TMTC2: variants seen among roughly 807,000 people sequenced by gnomAD.
TMTC2 encodes the protein protein O-mannosyl-transferase TMTC2.
TMTC2 carries 43 observed loss-of-function variants against 82.4 expected under a neutral mutation model. The observed-to-expected ratio is 0.52, with a 90% CI of 0.41 to 0.67. TMTC2 has a LOEUF of 0.67. Among genes scored for constraint, TMTC2 ranks in the 30% least tolerant of loss-of-function variants. The pLI, the probability that TMTC2 is intolerant of heterozygous loss-of-function variation, is 0.00. For synonymous variants in TMTC2, 408 were observed against 381.9 expected (o/e 1.07, Z -0.80); for missense variants, 919 against 1,012.4 (o/e 0.91, Z 1.25).
At chr12:82,816,526 C>CT (rs1868737965) in intron 1 of TMTC2, among the ~76,000 whole-genome samples, 1 of 151,924 alleles carries the variant, frequency 6.6e-6, no homozygotes, top group African/African-American at 2.4e-5. Flanking sequence ...ATGTTGTGGC[C>CT]TTTGAGACGT....
intron 1 of TMTC2, among the ~76,000 whole-genome samples, chr12:82,729,016 G>A (rs1366560911): frequency 3.9e-5 from 6 of 152,190 alleles, no homozygotes; most frequent in African/African-American, 9.6e-5. Flanking sequence ...CTCACCCTGC[G>A]GCCTCCTGCG....
intron 8 of TMTC2, among the ~76,000 whole-genome samples, chr12:82,996,149 G>C (rs1162798172): frequency 6.6e-6 from 1 of 152,166 alleles, no homozygotes; most frequent in African/African-American, 2.4e-5. Flanking sequence ...ATAGCTACTG[G>C]TAAAAAAGAT....
At chr12:83,023,890 C>T (rs192058579) in intron 8 of TMTC2, among the ~76,000 whole-genome samples, 2 of 152,260 alleles carry the variant, frequency 1.3e-5, no homozygotes, top group East Asian at 3.9e-4. Context: ...GCACAGAAGA[C>T]CAGATATTTA....
At chr12:83,130,265 A>C (rs1315574190) in intron 11 of TMTC2, among the ~76,000 whole-genome samples, 1 of 152,202 alleles carries the variant, frequency 6.6e-6, no homozygotes, top group Non-Finnish European at 1.5e-5. Flanking sequence ...GACATAATTC[A>C]GAAATGTGTC....
chr12:83,001,594 C>A (rs1373595170), intron 8 of TMTC2, among the ~76,000 whole-genome samples: 2 of 146,342 alleles, frequency 1.4e-5, no homozygotes, highest in Non-Finnish European at 3.0e-5. Flanking sequence ...GAGATCATGC[C>A]ATTGCACTCC....
chr12:83,066,072 C>T (rs1327822051), intron 11 of TMTC2, among the ~76,000 whole-genome samples: 2 of 151,894 alleles, frequency 1.3e-5, no homozygotes, highest in East Asian at 1.9e-4. Flanking sequence ...AAAAATTAAC[C>T]TTGTCCTTAA....
chr12:82,921,273 G>T (rs1427766111), intron 3 of TMTC2, among the ~76,000 whole-genome samples: 1 of 152,126 alleles, frequency 6.6e-6, no homozygotes. Context: ...ACATTTGGAT[G>T]CCTGGAAACA....
At chr12:83,119,391 C>T (rs1363869522) in intron 11 of TMTC2, among the ~76,000 whole-genome samples, 1 of 152,150 alleles carries the variant, frequency 6.6e-6, no homozygotes, top group Non-Finnish European at 1.5e-5. Flanking sequence ...ATCTTTATTT[C>T]ATTTTTAACT....
intron 8 of TMTC2, among the ~76,000 whole-genome samples, chr12:82,994,422 C>T (rs1331328777): frequency 6.7e-6 from 1 of 149,084 alleles, no homozygotes; most frequent in Non-Finnish European, 1.5e-5. Flanking sequence ...GCATGAGCTA[C>T]CGTGCCCGTC....
intron 3 of TMTC2, among the ~76,000 whole-genome samples, chr12:82,900,730 T>C (rs1592612496): frequency 7.1e-6 from 1 of 141,014 alleles, no homozygotes; most frequent in Admixed American, 7.5e-5. Flanking sequence ...TATATAGGAA[T>C]ATATATCTCT....
chr12:82,753,345 G>GTT (rs1876121444), intron 1 of TMTC2, among the ~76,000 whole-genome samples: 1 of 131,378 alleles, frequency 7.6e-6, no homozygotes, highest in Non-Finnish European at 1.7e-5. Context: ...TTTTTTTTGA[G>GTT]GAGAAGTTTT....
intron 4 of TMTC2, among the ~76,000 whole-genome samples, chr12:82,948,109 G>A (rs1253150524): frequency 6.6e-6 from 1 of 152,204 alleles, no homozygotes; most frequent in African/African-American, 2.4e-5. Context: ...GCTCACATCT[G>A]TAATCCAGCA....
In TMTC2 at chr12:82,708,179, G is replaced by T. The variant is rs186009565; in HGVS notation, c.83+20510G>T. On this transcript the variant is annotated intron_variant, in intron 1 of 11. Transcript: ENST00000321196. ...CAAAGCCTAAAATATTTACTATCTG[G>T]CCCTTAACCGAAAAAGTTTGCCAAC... is the stretch of plus-strand genomic sequence containing the variant. 2.6e-5 allele frequency among the ~76,000 whole-genome samples: 4 copies of T among 152,198 alleles called. No individual in the cohort carries two copies. The East Asian group carries it at 7.7e-4, about 29-fold the overall frequency.
chr12:83,041,820 G>A (rs2137441233), intron 9 of TMTC2, among the ~76,000 whole-genome samples: 1 of 152,220 alleles, frequency 6.6e-6, no homozygotes, highest in Non-Finnish European at 1.5e-5. Context: ...CACTTAACTG[G>A]GTAAATCACA....
At chr12:82,805,081 G>A (rs956887029) in intron 1 of TMTC2, among the ~76,000 whole-genome samples, 6 of 152,068 alleles carry the variant, frequency 3.9e-5, no homozygotes, top group Non-Finnish European at 7.4e-5. Flanking sequence ...TCCATTGGCT[G>A]GAACAGGACC....
chr12:82,820,771 A>T (rs1869054243), intron 1 of TMTC2, among the ~76,000 whole-genome samples: 1 of 152,242 alleles, frequency 6.6e-6, no homozygotes, highest in South Asian at 2.1e-4. Context: ...GCAAATAATT[A>T]AAACACTCAT....
intron 8 of TMTC2, among the ~76,000 whole-genome samples, chr12:82,992,427 G>C (rs1438129795): frequency 6.6e-6 from 1 of 152,118 alleles, no homozygotes; most frequent in African/African-American, 2.4e-5. Context: ...CTGTTAATCT[G>C]ATTGAGTAAT....
At chr12:83,108,580 A>G (rs1344057440) in intron 11 of TMTC2, among the ~76,000 whole-genome samples, 1 of 152,008 alleles carries the variant, frequency 6.6e-6, no homozygotes, top group Admixed American at 6.6e-5. Flanking sequence ...CAGTAAGCCA[A>G]GATCGCGCGA....
intron 9 of TMTC2, among the ~76,000 whole-genome samples, chr12:83,033,455 A>G (rs1342807650): frequency 6.6e-6 from 1 of 152,174 alleles, no homozygotes; most frequent in Non-Finnish European, 1.5e-5. Flanking sequence ...TTTTTCTTCC[A>G]TAAAATATAT....
Sources: allele counts gnomAD v4.1 joint callset (sites outside exome capture counted in the v4.1 genomes callset), GRCh38; gene constraint gnomAD v4.1.1; transcripts MANE v1.5; gene names NCBI Gene and HGNC (gene_info 2026-07-23, HGNC 2026-07-21).